Variants in ZCCHC2 observed in about 807,000 individuals in gnomAD.
ZCCHC2 encodes the protein zinc finger CCHC-type containing 2, also known as zinc finger CCHC domain-containing protein 2.
Under a neutral mutation model 103.6 loss-of-function variants are expected in ZCCHC2, and 39 were observed. That is an observed-to-expected ratio of 0.38 (90% CI 0.29 to 0.49). ZCCHC2 has a LOEUF of 0.49. ZCCHC2 is among the 20% of genes least tolerant of loss of function. The pLI, the probability that ZCCHC2 is intolerant of heterozygous loss-of-function variation, is 0.96. For synonymous variants in ZCCHC2, 687 were observed against 608.9 expected (o/e 1.13, Z -1.89); for missense variants, 1,483 against 1,491.0 (o/e 0.99, Z 0.09).
intron 1 of ZCCHC2, among the ~76,000 whole-genome samples, chr18:62,538,437 T>G (rs1915027058): frequency 6.6e-6 from 1 of 152,200 alleles, no homozygotes; most frequent in Non-Finnish European, 1.5e-5. Context: ...GGTTTTACAT[T>G]TTTTAATAAA....
intron 6 of ZCCHC2, among the ~76,000 whole-genome samples, chr18:62,557,124 A>T (rs573017459): frequency 1.3e-5 from 2 of 152,274 alleles, no homozygotes; most frequent in East Asian, 3.9e-4. Context: ...AAGCTTTGCC[A>T]GTTTTTCTTA....
Position 62,549,497 on chromosome 18 carries a change from T to C in ZCCHC2, c.1201-851T>C, listed in dbSNP as rs1049652863. On this transcript the variant is annotated intron_variant, in intron 4 of 13. Transcript: ENST00000269499. The stretch of plus-strand genomic sequence containing the variant: ...TCAATATGTAAATCAACAATTTGTA[T>C]AGATTTTTGTATTCCTGTGGCTTCT... 5.9e-5 allele frequency among the ~76,000 whole-genome samples: 9 copies of C among 152,370 alleles called. No individual in the cohort carries two copies. In the East Asian group the frequency reaches 1.5e-3, roughly 26 times the overall value.
Position 62,574,362 on chromosome 18 carries a change from A to G in ZCCHC2, c.2281A>G (p.Ile761Val), listed in dbSNP as rs1450902659. The G allele has an allele frequency of 3.1e-6, 5 of 1,614,026 alleles. No individual in the cohort carries two copies. Among genetic ancestry groups the G allele is most frequent in the African/African-American group, 1.3e-5 (1 of 75,060 alleles). The change falls in exon 13 of 14, where the codon ATA becomes GTA. Residue 761 changes from isoleucine (I) to valine (V), a missense_variant. This residue lies in a region of ZCCHC2 where 884 missense variants were observed against 907.5 expected (regional missense o/e 0.97). Transcript: ENST00000269499. ...TCCTAGTCCTGTTGCTATTTCTGCA[A>G]TAAGGGAGTCTGCAAATTCAACCCC... ...LVPSPVAISAIRESANSTPVG... is the reference protein window; with the variant it reads ...LVPSPVAISAVRESANSTPVG...
intron 7 of ZCCHC2, among the ~76,000 whole-genome samples, chr18:62,559,387 A>G (rs975237580): frequency 8.5e-5 from 13 of 152,260 alleles, no homozygotes; most frequent in African/African-American, 3.1e-4. Context: ...CTGAACAGCT[A>G]TTACATAATG....
chr18:62,523,376 G>GGGGCGGGCC lies in ZCCHC2; in HGVS notation c.-49_-48insGGGCGGGCC. Reference sequence around the variant, plus strand: ...GCCTCGGCCCGTGCTCCACCTCGCGGCCCCTCCCGCCCGCCCCCGCTCGCA... The same window carrying GGGGCGGGCC: ...GCCTCGGCCCGTGCTCCACCTCGCGGGGGCGGGCCCCCCTCCCGCCCGCCCCCGCTCGCA... On this transcript the variant is annotated 5_prime_UTR_variant, in exon 1 of 14. Coordinates refer to ENST00000269499, the MANE Select transcript of ZCCHC2 (RefSeq NM_017742.6). 9.9e-7 allele frequency: 1 copy of GGGGCGGGCC among 1,012,356 alleles called. No homozygotes were observed. Among genetic ancestry groups the GGGGCGGGCC allele is most frequent in the Non-Finnish European group, 1.2e-6 (1 of 848,992 alleles). The allele number at this position is 1,012,356 out of a possible 1,614,324, so 62.7% of individuals were successfully genotyped here.
At chr18:62,525,308 G>C (rs919102497) in intron 1 of ZCCHC2, 3 of 148,178 alleles carry the variant, frequency 2.0e-5, no homozygotes, top group African/African-American at 2.6e-5. Flanking sequence ...TTAGGGTCCA[G>C]TGAGTCTTTG....
chr18:62,557,296 A>C (rs1782534773), intron 6 of ZCCHC2, among the ~76,000 whole-genome samples: 1 of 152,192 alleles, frequency 6.6e-6, no homozygotes, highest in Admixed American at 6.5e-5. Context: ...AGGCATAGCT[A>C]TGGCAAGGAA....
At chr18:62,547,295 A>G (rs1362897805) in intron 4 of ZCCHC2, among the ~76,000 whole-genome samples, 1 of 150,862 alleles carries the variant, frequency 6.6e-6, no homozygotes, top group Non-Finnish European at 1.5e-5. Flanking sequence ...ATTGCACTCC[A>G]GCCTGAGCGA....
At chr18:62,539,288 A>G (rs1453573815) in intron 1 of ZCCHC2, among the ~76,000 whole-genome samples, 1 of 152,210 alleles carries the variant, frequency 6.6e-6, no homozygotes, top group African/African-American at 2.4e-5. Context: ...GCATCTTTTT[A>G]GACTGTTATT....
rs113465378 is a variant in ZCCHC2 at position 62,540,001 on chromosome 18, G to A, written c.1051+209G>A. ...GCCACAGCCCTGCTTGTCCTAGCAC[G>A]CACACAGTCATTCTGCTCTGTAGTC... On this transcript the variant is annotated intron_variant, in intron 2 of 13. Coordinates refer to ENST00000269499, the MANE Select transcript of ZCCHC2 (RefSeq NM_017742.6). Among the ~76,000 whole-genome samples, 814 of 152,210 alleles carry A rather than the reference G, an allele frequency of 5.3e-3. 8 individuals are homozygous for A. Among genetic ancestry groups the A allele is most frequent in the African/African-American group, 0.019 (774 of 41,522 alleles).
chr18:62,553,907 A>AT (rs1410850432), intron 5 of ZCCHC2, among the ~76,000 whole-genome samples: 1 of 152,210 alleles, frequency 6.6e-6, no homozygotes, highest in Admixed American at 6.5e-5. Flanking sequence ...CTTCATGACC[A>AT]TAGAGGTGTT....
At chr18:62,539,660 A>G (rs1254221207) in intron 1 of ZCCHC2, 21 bp from the exon 2 acceptor site, 9 of 1,518,626 alleles carry the variant, frequency 5.9e-6, no homozygotes, top group South Asian at 4.8e-5. Context: ...AAGTTAACGT[A>G]TCTCCCTCTT....
intron 1 of ZCCHC2, among the ~76,000 whole-genome samples, chr18:62,536,630 C>T (rs1483360687): frequency 6.6e-6 from 1 of 152,160 alleles, no homozygotes; most frequent in East Asian, 1.9e-4. Context: ...ACCATTGGGG[C>T]TGCCGATTCT....
chr18:62,584,294 G>A (rs1484282957), intron 14 of ZCCHC2, among the ~76,000 whole-genome samples: 1 of 152,162 alleles, frequency 6.6e-6, no homozygotes, highest in Admixed American at 6.5e-5. Flanking sequence ...GACCCTTCAC[G>A]CAGTCACCTC....
chr18:62,557,382 C>CA (rs991150436), intron 6 of ZCCHC2, among the ~76,000 whole-genome samples: 13 of 152,274 alleles, frequency 8.5e-5, no homozygotes, highest in Admixed American at 6.5e-4. Context: ...GAAAGAAAAA[C>CA]ACATATTTCC....
At chr18:62,537,321 A>C (rs760901211) in intron 1 of ZCCHC2, among the ~76,000 whole-genome samples, 7 of 151,162 alleles carry the variant, frequency 4.6e-5, no homozygotes, top group Non-Finnish European at 1.0e-4. Flanking sequence ...ACATACCACC[A>C]CTTCTGGCTA....
intron 13 of ZCCHC2, 100 bp from the exon 14 acceptor site, chr18:62,576,412 G>A (rs1371538156): frequency 2.0e-6 from 2 of 977,590 alleles, no homozygotes; most frequent in African/African-American, 1.6e-5. Context: ...GCTGACGAAG[G>A]TGCCTTGTGG....
downstream of ZCCHC2, among the ~76,000 whole-genome samples, chr18:62,583,504 T>C (rs934125705): frequency 6.6e-6 from 1 of 152,154 alleles, no homozygotes; most frequent in Non-Finnish European, 1.5e-5. Context: ...ACCTAGTACT[T>C]AACAGCACCA....
At chr18:62,573,952 A>T (rs998725561) in intron 12 of ZCCHC2, 105 bp from the exon 13 acceptor site, 2 of 1,211,248 alleles carry the variant, frequency 1.7e-6, no homozygotes, top group African/African-American at 3.1e-5. Context: ...ATAGAGGGAC[A>T]CTTTCCAAAC....
Sources: gnomAD v4.1 joint callset for allele counts (sites outside exome capture counted in the v4.1 genomes callset) on GRCh38, gnomAD v4.1.1 for gene constraint, gnomAD v4.1.1 regional missense constraint, MANE v1.5 for transcripts, NCBI Gene and HGNC (gene_info 2026-07-23, HGNC 2026-07-21) for gene names.